The following PHLDB2 variants were observed in gnomAD, a reference collection of about 807,000 sequenced individuals.
PHLDB2 encodes pleckstrin homology-like domain family B member 2.
PHLDB2 carries 71 observed loss-of-function variants against 123.6 expected under a neutral mutation model. The ratio of observed to expected loss-of-function variants is 0.57; its 90% confidence interval spans 0.47 to 0.70. PHLDB2 has a LOEUF of 0.70. Among genes scored for constraint, PHLDB2 ranks in the 30% least tolerant of loss-of-function variants. The pLI is 0.00. For synonymous variants in PHLDB2, 547 were observed against 541.6 expected, an observed-to-expected ratio of 1.01 and a Z score of -0.14; for missense variants, 1,446 against 1,519.5, an observed-to-expected ratio of 0.95 and a Z score of 0.80.
At chr3:111,740,629 A>G (rs1163666100) in intron 1 of PHLDB2, among the ~76,000 whole-genome samples, 3 of 152,180 alleles carry the variant, frequency 2.0e-5, no homozygotes, top group Non-Finnish European at 4.4e-5. Context: ...CACAATATAT[A>G]ATGCTTAGTT....
At chr3:111,897,442 T>C (rs1387473070) in intron 2 of PHLDB2, among the ~76,000 whole-genome samples, 3 of 152,238 alleles carry the variant, frequency 2.0e-5, no homozygotes, top group Non-Finnish European at 2.9e-5. Context: ...CTAATTCATC[T>C]TCCCTGAAGC....
intron 1 of PHLDB2, among the ~76,000 whole-genome samples, chr3:111,821,237 C>T (rs1014577306): frequency 3.9e-5 from 6 of 152,186 alleles, no homozygotes; most frequent in Non-Finnish European, 5.9e-5. Flanking sequence ...TCAGACCAGG[C>T]TCATTGTTCT....
intron 1 of PHLDB2, among the ~76,000 whole-genome samples, chr3:111,769,308 G>A (rs901531660): frequency 1.3e-5 from 2 of 152,166 alleles, no homozygotes; most frequent in Non-Finnish European, 2.9e-5. Flanking sequence ...CAAATTATTA[G>A]GTAATAATGT....
intron 2 of PHLDB2, among the ~76,000 whole-genome samples, chr3:111,892,352 T>C (rs1312725917): frequency 6.6e-6 from 1 of 152,204 alleles, no homozygotes; most frequent in African/African-American, 2.4e-5. Context: ...TTTTAATCAG[T>C]AAGAGGCTGG....
rs2066077930 is a variant in PHLDB2, at chr3:111,884,582, G to T, written c.505G>T (p.Gly169Cys). 6.2e-7 allele frequency: 1 copy of T among 1,614,180 alleles called. No individual in the cohort carries two copies. The highest frequency in any genetic ancestry group is 8.5e-7 in the Non-Finnish European group (1 of 1,180,038). ...TGTCTACTCTCTTGGAGGGCTGGAA[G>T]GTCGGAAGGCATCTGGCTCGCTCCT... ...DNVYSLGGLE[G>C]RKASGSLLAM... is the part of the protein sequence containing the mutation. The change falls in exon 2 of 18, where the codon GGT (glycine) becomes TGT (cysteine). Residue 169 changes from glycine (G) to cysteine (C), a missense_variant. Physicochemically the swap from Gly to Cys is radical, Grantham distance 159. Transcript: ENST00000431670.
chr3:111,917,167 G>T (rs902041469), intron 3 of PHLDB2: 1 of 151,792 alleles, frequency 6.6e-6, no homozygotes, highest in African/African-American at 2.4e-5. Flanking sequence ...AAATAACTTA[G>T]AAAAAAACTA....
intron 2 of PHLDB2, among the ~76,000 whole-genome samples, chr3:111,904,107 A>T (rs1247476148): frequency 1.3e-5 from 2 of 151,850 alleles, no homozygotes; most frequent in African/African-American, 4.8e-5. Flanking sequence ...GCAAAACCCC[A>T]TTTCTACTAA....
intron 1 of PHLDB2, among the ~76,000 whole-genome samples, chr3:111,804,379 G>A (rs1201576841): frequency 6.6e-6 from 1 of 152,190 alleles, no homozygotes; most frequent in African/African-American, 2.4e-5. Flanking sequence ...ACTATTAGAG[G>A]TAGAAAACTT....
Position 111,859,833 on chromosome 3 carries a change from G to A in PHLDB2, c.-15+257G>A, listed in dbSNP as rs1020495707. ...GCGGGGGCAAAGGCTAGGCGCTAGG[G>A]CGGCGGCGCCAGCGTAGAGCGGCGG... On this transcript the variant is annotated intron_variant, in intron 1 of 17. Coordinates refer to ENST00000431670, the MANE Select transcript of PHLDB2 (RefSeq NM_001134438.2). 9.1e-6 allele frequency: 9 copies of A among 985,846 alleles called. No homozygotes were observed. In the African/African-American group the frequency reaches 1.4e-4, roughly 15 times the overall value. 61.1% of individuals were successfully genotyped at this position (985,846 alleles called of 1,614,324 possible).
At chr3:111,845,077 G>A (rs566648678) in intron 1 of PHLDB2, among the ~76,000 whole-genome samples, 8 of 152,090 alleles carry the variant, frequency 5.3e-5, no homozygotes, top group South Asian at 2.1e-4. Flanking sequence ...AATTTGTGCC[G>A]GGAGCAGTGG....
At chr3:111,882,759 A>G (rs1239288164) in intron 1 of PHLDB2, among the ~76,000 whole-genome samples, 1 of 152,178 alleles carries the variant, frequency 6.6e-6, no homozygotes, top group Non-Finnish European at 1.5e-5. Flanking sequence ...GAATTTGCTC[A>G]CAAAGTGTGT....
At chr3:111,940,435 A>G (rs1409793208) in intron 7 of PHLDB2, 100 bp from the exon 8 acceptor site, 7 of 587,338 alleles carry the variant, frequency 1.2e-5, no homozygotes, top group African/African-American at 1.9e-5. Context: ...AGTCACTGTT[A>G]TTCCAGTGGT....
chr3:111,753,867 G>T (rs28848628), intron 1 of PHLDB2, among the ~76,000 whole-genome samples: 20 of 152,126 alleles, frequency 1.3e-4, no homozygotes, highest in Middle Eastern at 3.4e-3. Flanking sequence ...TTTCTACATA[G>T]GGCTAGCCAG....
chr3:111,758,288 C>G (rs1005294695), intron 1 of PHLDB2, among the ~76,000 whole-genome samples: 1 of 152,210 alleles, frequency 6.6e-6, no homozygotes, highest in Admixed American at 6.5e-5. Context: ...CTTTGTTTAC[C>G]TAAGCAACCC....
intron 1 of PHLDB2, among the ~76,000 whole-genome samples, chr3:111,763,147 A>G (rs1412648244): frequency 2.6e-5 from 4 of 152,224 alleles, no homozygotes; most frequent in Non-Finnish European, 5.9e-5. Flanking sequence ...AAACTGGACA[A>G]TGCAAATCAA....
intron 1 of PHLDB2, among the ~76,000 whole-genome samples, chr3:111,875,542 G>A (rs563762879): frequency 2.0e-5 from 3 of 151,318 alleles, no homozygotes; most frequent in Non-Finnish European, 4.4e-5. Flanking sequence ...TGTTTAATTG[G>A]CAAGACACAG....
At chr3:111,825,093 A>T (rs968002160) in intron 1 of PHLDB2, among the ~76,000 whole-genome samples, 5 of 152,208 alleles carry the variant, frequency 3.3e-5, no homozygotes, top group African/African-American at 1.2e-4. Context: ...CATGCTCACC[A>T]TTTACAGGTA....
chr3:111,832,410 T>C (rs77517657), intron 1 of PHLDB2, among the ~76,000 whole-genome samples: 3,404 of 151,486 alleles, frequency 0.022, 53 homozygotes, highest in Non-Finnish European at 0.038. Context: ...AAAAGATAAA[T>C]TGTACCAATT....
intron 5 of PHLDB2, among the ~76,000 whole-genome samples, chr3:111,923,587 A>G (rs192859443): frequency 3.0e-4 from 46 of 152,274 alleles, no homozygotes; most frequent in African/African-American, 1.1e-3. Flanking sequence ...GGTATTTCCA[A>G]TTGAACACAC....
Sources: allele counts gnomAD v4.1 joint callset (sites outside exome capture counted in the v4.1 genomes callset), GRCh38; gene constraint gnomAD v4.1.1; transcripts MANE v1.5; gene names NCBI Gene and HGNC (gene_info 2026-07-23, HGNC 2026-07-21).